The following FAM13A variants were observed in gnomAD, a reference collection of about 807,000 sequenced individuals.
The protein encoded by FAM13A is protein FAM13A.
Under a neutral mutation model 129.6 loss-of-function variants are expected in FAM13A, and 76 were observed. That is an observed-to-expected ratio of 0.59 (90% CI 0.49 to 0.71). The LOEUF is 0.71. Ranked by LOEUF, FAM13A falls within the 30% of genes least tolerant of loss-of-function variation. The probability of loss-of-function intolerance (pLI) is 0.00; values close to 1 mark genes in which losing one functional copy is unlikely to be tolerated. For missense variants in FAM13A, 1,108 were observed against 1,249.3 expected, an observed-to-expected ratio of 0.89 and a Z score of 1.70; for synonymous variants, 443 against 449.9, an observed-to-expected ratio of 0.98 and a Z score of 0.20.
At chr4:89,020,083 CAT>C (rs939812093) in intron 3 of FAM13A, among the ~76,000 whole-genome samples, 22 of 152,018 alleles carry the variant, frequency 1.4e-4, no homozygotes, top group Middle Eastern at 3.2e-3. Context: ...GAAGTAGTCA[CAT>C]GTTAATGGTA....
At chr4:88,754,480 G>C (rs1189460307) in intron 14 of FAM13A, among the ~76,000 whole-genome samples, 1 of 152,158 alleles carries the variant, frequency 6.6e-6, no homozygotes, top group Non-Finnish European at 1.5e-5. Context: ...TCAGAAATCT[G>C]CACAGAATTA....
chr4:88,899,276 G>A (rs533103115), intron 6 of FAM13A, among the ~76,000 whole-genome samples: 1 of 152,180 alleles, frequency 6.6e-6, no homozygotes, highest in African/African-American at 2.4e-5. Context: ...TCACTCATAA[G>A]TGGGAGCTAA....
intron 4 of FAM13A, among the ~76,000 whole-genome samples, chr4:88,977,901 T>C (rs1761119938): frequency 6.6e-6 from 1 of 152,134 alleles, no homozygotes; most frequent in Non-Finnish European, 1.5e-5. Context: ...TAACTGAACA[T>C]CTAGAGGATA....
At chr4:88,956,811 T>C (rs1044565843) in intron 4 of FAM13A, among the ~76,000 whole-genome samples, 2 of 152,156 alleles carry the variant, frequency 1.3e-5, no homozygotes, top group Non-Finnish European at 2.9e-5. Context: ...CTTATCTGAC[T>C]CTCCGGCCAC....
chr4:89,042,088 T>C (rs1295635528), intron 1 of FAM13A, among the ~76,000 whole-genome samples: 1 of 116,914 alleles, frequency 8.6e-6, no homozygotes, highest in Non-Finnish European at 2.1e-5. Flanking sequence ...GACATATGTA[T>C]ATGTTTGATG....
chr4:88,976,328 A>C (rs958170888), intron 4 of FAM13A, among the ~76,000 whole-genome samples: 1 of 152,166 alleles, frequency 6.6e-6, no homozygotes, highest in African/African-American at 2.4e-5. Context: ...TTATTTTTAC[A>C]AGAATAAGAA....
At chr4:88,847,977 C>A (rs72872176) in intron 7 of FAM13A, among the ~76,000 whole-genome samples, 12,441 of 151,768 alleles carry the variant, frequency 0.082, 858 homozygotes, top group African/African-American at 0.19. Flanking sequence ...TTACATAAAC[C>A]ACAAACATTT....
At chr4:88,881,023 A>T (rs1743478749) in intron 6 of FAM13A, among the ~76,000 whole-genome samples, 1 of 152,120 alleles carries the variant, frequency 6.6e-6, no homozygotes, top group Non-Finnish European at 1.5e-5. Flanking sequence ...CCCCCACCTG[A>T]TGGTCTTTCT....
chr4:89,035,007 G>T (rs762282249), intron 1 of FAM13A, among the ~76,000 whole-genome samples: 182 of 152,298 alleles, frequency 1.2e-3, no homozygotes, highest in Non-Finnish European at 1.9e-3. Context: ...AATAGATAAA[G>T]AAAATATGGT....
chr4:88,913,526 G>GGAA (rs1340854914), intron 5 of FAM13A, among the ~76,000 whole-genome samples: 1 of 126,396 alleles, frequency 7.9e-6, no homozygotes. Flanking sequence ...AGGAGGAGGA[G>GGAA]GAAGAAGAGG....
intron 4 of FAM13A, among the ~76,000 whole-genome samples, chr4:88,947,279 T>A (rs1306160443): frequency 6.6e-6 from 1 of 152,112 alleles, no homozygotes; most frequent in Non-Finnish European, 1.5e-5. Context: ...GGCGTGGTAG[T>A]GTGCACCTGT....
At position 88,728,597 on chromosome 4, in the gene FAM13A, T is replaced by C; in HGVS notation, c.3008A>G (p.Lys1003Arg). ...CACCTCCAGGAGCCTCAGTTTCGCC[T>C]TTATGTGCTTATATTCACTGTATTC... ...AEEYSEYKHI[K>R]AKLRLLEVLI... Residue 1003 changes from lysine (K) to arginine (R), a missense_variant, in exon 24 of 24, where the codon AAG becomes AGG. Physicochemically the swap from Lys to Arg is conservative, Grantham distance 26 (BLOSUM62 2). This residue lies in a region of FAM13A where 529 missense variants were observed against 621.2 expected (regional missense o/e 0.85). Coordinates refer to ENST00000264344, the MANE Select transcript of FAM13A (RefSeq NM_014883.4). 6.2e-7 allele frequency: 1 copy of C among 1,614,198 alleles called. No individual in the cohort carries two copies. Among genetic ancestry groups the C allele is most frequent in the Non-Finnish European group, 8.5e-7 (1 of 1,180,006 alleles).
chr4:88,969,697 C>T (rs1410326059), intron 4 of FAM13A, among the ~76,000 whole-genome samples: 1 of 152,182 alleles, frequency 6.6e-6, no homozygotes. Context: ...AGGTACTTTA[C>T]ATGTTTTAAT....
intron 21 of FAM13A, among the ~76,000 whole-genome samples, chr4:88,732,760 G>A (rs958786646): frequency 9.9e-5 from 15 of 151,756 alleles, no homozygotes; most frequent in African/African-American, 3.6e-4. Context: ...AAGACTGAAA[G>A]ATATTATATT....
chr4:88,999,966 T>C (rs1764031591), intron 3 of FAM13A, among the ~76,000 whole-genome samples: 1 of 152,228 alleles, frequency 6.6e-6, no homozygotes. Flanking sequence ...ACTTGTTGAC[T>C]ATGTCTTTTC....
intron 7 of FAM13A, among the ~76,000 whole-genome samples, chr4:88,835,476 G>C (rs1009544501): frequency 2.6e-4 from 40 of 152,052 alleles, no homozygotes; most frequent in African/African-American, 9.4e-4. Context: ...CTAGGGGGTG[G>C]GTAGTTTCAG....
At position 88,804,868 on chromosome 4, in the gene FAM13A, A is replaced by C. The variant is rs1728245572; in HGVS notation, c.1049+143T>G. The C allele has an allele frequency of 4.8e-6, 3 of 626,332 alleles. No homozygotes were observed. In the African/African-American group the frequency reaches 5.7e-5, roughly 12 times the overall value. 38.8% of individuals were successfully genotyped at this position (626,332 alleles called of 1,614,324 possible). A position where few individuals can be genotyped will look rare whatever the true frequency, so the allele number is the denominator to read the frequency against. On this transcript the variant is annotated intron_variant, in intron 8 of 23. Coordinates refer to ENST00000264344, the MANE Select transcript of FAM13A (RefSeq NM_014883.4). ...TTTCTTGAACCAAAGGGGAAAATACAGTAAGGTGAAGAGCTCCAGCAAGTT... is the reference window on the plus strand; with the variant it reads ...TTTCTTGAACCAAAGGGGAAAATACCGTAAGGTGAAGAGCTCCAGCAAGTT...
chr4:88,789,492 T>A lies in FAM13A; in HGVS notation c.1091+1094A>T, dbSNP rs1226041103. 2.0e-5 allele frequency among the ~76,000 whole-genome samples: 3 copies of A among 152,246 alleles called. 1 individual carries two copies. Among genetic ancestry groups the A allele is most frequent in the Middle Eastern group, 6.8e-3 (2 of 294 alleles). ...GAGAAGATGCTCCAAAGAGGCCCAC[T>A]CATGTCCCAGCAAGTAAGGAGAATA... On this transcript the variant is annotated intron_variant, in intron 9 of 23. Transcript: ENST00000264344.
chr4:88,945,813 T>TATATATATATAAGTATATATATATTA (rs1560479912), intron 4 of FAM13A, among the ~76,000 whole-genome samples: 1 of 141,086 alleles, frequency 7.1e-6, no homozygotes, highest in African/African-American at 2.7e-5. Context: ...ATATATATTA[T>TATATATATATAAGTATATATATATTA]ATATATATAT....
Sources: gnomAD v4.1 joint callset for allele counts (sites outside exome capture counted in the v4.1 genomes callset) on GRCh38, gnomAD v4.1.1 for gene constraint, gnomAD v4.1.1 regional missense constraint, MANE v1.5 for transcripts, NCBI Gene and HGNC (gene_info 2026-07-23, HGNC 2026-07-21) for gene names.